DYTN: variants seen among roughly 807,000 people sequenced by gnomAD.
DYTN encodes the protein dystrotelin.
DYTN carries 75 observed loss-of-function variants against 69.6 expected under a neutral mutation model. That is an observed-to-expected ratio of 1.08 (90% CI 0.89 to 1.31). The LOEUF (loss-of-function observed/expected upper bound fraction) is 1.31. Among genes scored for constraint, DYTN ranks in the 50% most tolerant of loss-of-function variants. The pLI is 0.00. For synonymous variants in DYTN, 252 were observed against 249.1 expected (o/e 1.01, Z -0.11); for missense variants, 726 against 688.4 (o/e 1.05, Z -0.61).
chr2:206,709,104 A>G (rs953456305), intron 2 of DYTN, among the ~76,000 whole-genome samples: 4 of 152,164 alleles, frequency 2.6e-5, no homozygotes, highest in Non-Finnish European at 4.4e-5. Context: ...AATCTACATA[A>G]AACTGTTTTT....
chr2:206,714,520 C>T (rs935662199), intron 1 of DYTN, among the ~76,000 whole-genome samples: 2 of 152,224 alleles, frequency 1.3e-5, no homozygotes, highest in Admixed American at 1.3e-4. Context: ...AAGTCACCTC[C>T]ACTCAGGCCT....
chr2:206,706,676 T>C (rs1482853151), intron 3 of DYTN, among the ~76,000 whole-genome samples: 2 of 152,136 alleles, frequency 1.3e-5, no homozygotes, highest in African/African-American at 4.8e-5. Flanking sequence ...TTCTAAAGGA[T>C]GAATTCTAAA....
At chr2:206,666,603 A>G (rs13023391) in intron 9 of DYTN, among the ~76,000 whole-genome samples, 14,800 of 152,122 alleles carry the variant, frequency 0.097, 891 homozygotes, top group Non-Finnish European at 0.14. Flanking sequence ...AACACCCAAC[A>G]CTTGACCAGG....
intron 11 of DYTN, among the ~76,000 whole-genome samples, chr2:206,660,001 G>A (rs1699495308): frequency 1.3e-5 from 1 of 77,480 alleles, no homozygotes; most frequent in African/African-American, 4.7e-5. Context: ...GTATAAAGAT[G>A]TGTACTTTTT....
At position 206,663,252 on chromosome 2, in the gene DYTN, T is replaced by A. The variant is rs1276103264; in HGVS notation, c.1284A>T (p.Glu428Asp). 6.2e-7 allele frequency: 1 copy of A among 1,613,764 alleles called. No homozygotes were observed. Residue 428 changes from glutamate (E) to aspartate (D), a missense_variant, in exon 11 of 12, where the codon GAA becomes GAT. By Grantham distance (45) the Glu-to-Asp change is conservative (BLOSUM62 2). Coordinates refer to ENST00000452335, the MANE Select transcript of DYTN (RefSeq NM_001093730.1). ...KNATEDASTG[E>D]PLPKLDEVDR... Reference sequence around the variant, plus strand: ...CAACCTCATCAAGCTTAGGAAGAGGTTCCCCTGTTGAAGCATCTTCAGTGG... The same window carrying A: ...CAACCTCATCAAGCTTAGGAAGAGGATCCCCTGTTGAAGCATCTTCAGTGG...
rs372889180 is a variant in DYTN, at chr2:206,678,245, T to G, written c.981-12216A>C. Among the ~76,000 whole-genome samples the G allele has an allele frequency of 2.0e-4, 30 of 152,212 alleles. 1 individual carries two copies. The East Asian group carries it at 3.5e-3, about 18-fold the overall frequency. On this transcript the variant is annotated intron_variant, in intron 9 of 11. Transcript: ENST00000452335. ...CACTCTGAGTCAGAGAAATGCAAAT[T>G]AAAGCAAATTAAATATATTCCAGTG...
At chr2:206,682,075 G>T (rs942618243) in intron 9 of DYTN, among the ~76,000 whole-genome samples, 22 of 152,134 alleles carry the variant, frequency 1.4e-4, no homozygotes, top group African/African-American at 5.1e-4. Flanking sequence ...GTCTATTTAG[G>T]GTTTCGACTT....
intron 9 of DYTN, among the ~76,000 whole-genome samples, chr2:206,677,720 G>C (rs1439229720): frequency 1.3e-5 from 2 of 152,292 alleles, no homozygotes; most frequent in East Asian, 3.9e-4. Flanking sequence ...ACTGAGCATG[G>C]TGGCTCACAC....
chr2:206,691,361 C>T (rs1248839124), intron 9 of DYTN, among the ~76,000 whole-genome samples: 3 of 151,826 alleles, frequency 2.0e-5, no homozygotes, highest in East Asian at 1.9e-4. Flanking sequence ...CGCAGCGAGC[C>T]GAGATGGTGC....
intron 9 of DYTN, among the ~76,000 whole-genome samples, chr2:206,671,539 A>G (rs1699629866): frequency 6.6e-6 from 1 of 152,212 alleles, no homozygotes; most frequent in African/African-American, 2.4e-5. Context: ...TAATTGCAGA[A>G]TATCATGGCT....
At chr2:206,666,150 C>G (rs922506400) in intron 9 of DYTN, 121 bp from the exon 10 acceptor site, 3 of 1,340,350 alleles carry the variant, frequency 2.2e-6, no homozygotes, top group Middle Eastern at 1.9e-4. Context: ...CCCTGTGTCT[C>G]AACTGTGTTT....
chr2:206,684,702 A>G (rs1235532100), intron 9 of DYTN, among the ~76,000 whole-genome samples: 5 of 151,954 alleles, frequency 3.3e-5, no homozygotes, highest in South Asian at 4.2e-4. Flanking sequence ...GTGATTGCCT[A>G]TTTACATATT....
chr2:206,709,655 T>A (rs1164326020), intron 2 of DYTN, among the ~76,000 whole-genome samples: 1 of 152,178 alleles, frequency 6.6e-6, no homozygotes, highest in Non-Finnish European at 1.5e-5. Context: ...ACCACTGCCC[T>A]ATATAACTTT....
chr2:206,710,275 A>G (rs909847594), intron 2 of DYTN, among the ~76,000 whole-genome samples: 4 of 152,208 alleles, frequency 2.6e-5, no homozygotes, highest in Admixed American at 6.5e-5. Flanking sequence ...TGGAGAAAAT[A>G]TTTAAAAAAT....
In DYTN at chr2:206,718,384, A is replaced by T. The variant is rs1700148949; in HGVS notation, c.-105T>A. 2.4e-6 allele frequency: 3 copies of T among 1,228,304 alleles called. No homozygotes were observed. The Admixed American group carries it at 7.7e-5, about 31-fold the overall frequency. 76.1% of individuals were successfully genotyped at this position (1,228,304 alleles called of 1,614,324 possible). On this transcript the variant is annotated 5_prime_UTR_variant, in exon 1 of 12. Transcript: ENST00000452335. ...TGCAGCAGAGGAATGAGGACAGGGG[A>T]ACAAAAAGGCAACTAAACAAATCAT...
intron 9 of DYTN, among the ~76,000 whole-genome samples, chr2:206,669,097 G>A (rs570524052): frequency 6.6e-6 from 1 of 152,324 alleles, no homozygotes; most frequent in African/African-American, 2.4e-5. Flanking sequence ...GCACAGTGTA[G>A]ACTAATAATA....
At chr2:206,683,339 C>CTTTTTTTTTTTTTTTTT (rs10531348) in intron 9 of DYTN, among the ~76,000 whole-genome samples, 1 of 111,934 alleles carries the variant, frequency 8.9e-6, no homozygotes, top group Non-Finnish European at 1.8e-5. Context: ...TTTACTTTTT[C>CTTTTTTTTTTTTTTTTT]TTTTTTTTTT....
Position 206,662,993 on chromosome 2 carries a change from T to A in DYTN, c.1543A>T (p.Ile515Phe), listed in dbSNP as rs1559305138. The change falls in exon 11 of 12, where the codon ATC (isoleucine) becomes TTC (phenylalanine). Residue 515 changes from isoleucine (I) to phenylalanine (F), a missense_variant. By Grantham distance (21) the Ile-to-Phe change is conservative. Coordinates refer to ENST00000452335, the MANE Select transcript of DYTN (RefSeq NM_001093730.1). ...TCCAGCTCATCCTTTCTCTCCTTGA[T>A]GTTACCTGCCTCTTTCTTTTCCACG... ...AAVEKKEAGN[I>F]KERKDELEEE... 2 of 1,613,776 alleles carry A rather than the reference T, an allele frequency of 1.2e-6. No homozygotes were observed. The highest frequency in any genetic ancestry group is 1.7e-6 in the Non-Finnish European group (2 of 1,179,886).
intron 1 of DYTN, among the ~76,000 whole-genome samples, chr2:206,711,639 G>T (rs1700079178): frequency 6.6e-6 from 1 of 151,424 alleles, no homozygotes; most frequent in Admixed American, 6.6e-5. Flanking sequence ...CAATGTGCAG[G>T]TTAGTTACAT....
Sources: gnomAD v4.1 joint callset for allele counts (sites outside exome capture counted in the v4.1 genomes callset) on GRCh38, gnomAD v4.1.1 for gene constraint, MANE v1.5 for transcripts, NCBI Gene and HGNC (gene_info 2026-07-23, HGNC 2026-07-21) for gene names.